Variants in HSF2BP observed in about 807,000 individuals in gnomAD.
HSF2BP encodes the protein heat shock transcription factor 2 binding protein, also known as heat shock factor 2-binding protein.
Under a neutral mutation model 35.0 loss-of-function variants are expected in HSF2BP, and 35 were observed. That is an observed-to-expected ratio of 1.00 (90% CI 0.76 to 1.32). The LOEUF is 1.32. Ranked by LOEUF, HSF2BP falls within the 40% of genes most tolerant of loss-of-function variation. HSF2BP has a pLI of 0.00. For missense variants in HSF2BP, 326 were observed against 321.7 expected, an observed-to-expected ratio of 1.01 and a Z score of -0.10; for synonymous variants, 114 against 117.4, an observed-to-expected ratio of 0.97 and a Z score of 0.18.
At chr21:43,586,569 A>G (rs1369634964) in intron 8 of HSF2BP, among the ~76,000 whole-genome samples, 1 of 152,100 alleles carries the variant, frequency 6.6e-6, no homozygotes, top group Non-Finnish European at 1.5e-5. Context: ...CCTAAACACT[A>G]TTGCATTTTA....
chr21:43,644,506 A>G, intron 3 of HSF2BP, 114 bp from the exon 4 acceptor site: 1 of 736,966 alleles, frequency 1.4e-6, no homozygotes, highest in Non-Finnish European at 2.3e-6. Context: ...TTAGGTGAGA[A>G]TATTTGCATT....
At chr21:43,592,109 G>T in intron 8 of HSF2BP, 116 bp downstream of exon 8, 1 of 658,716 alleles carries the variant, frequency 1.5e-6, no homozygotes, top group Non-Finnish European at 2.8e-6. Flanking sequence ...GAGAGGATTT[G>T]GTGCTATCTC....
Position 43,656,585 on chromosome 21 carries a change from AC to A in HSF2BP, c.187+1del. On this transcript the variant is annotated splice_donor_variant, in intron 3 of 8. Transcript: ENST00000291560. LOFTEE classifies it high-confidence loss of function. ...CAATGACTGCTGAAAATGAAGACTC[AC>A]TTTTTTCTACAATCTTTAATTTCTG... is the stretch of plus-strand genomic sequence containing the variant. The A allele has an allele frequency of 6.2e-7, 1 of 1,606,008 alleles. No homozygotes were observed. The highest frequency in any genetic ancestry group is 1.1e-5 in the South Asian group (1 of 88,372).
Position 43,633,406 on chromosome 21 carries a change from G to A in HSF2BP, c.307C>T (p.Arg103Ter), listed in dbSNP as rs781638123. 3.7e-6 allele frequency: 6 copies of A among 1,609,256 alleles called. No homozygotes were observed. Among genetic ancestry groups the A allele is most frequent in the African/African-American group, 1.3e-5 (1 of 74,826 alleles). The part of the protein sequence containing the change: ...IREKKEKLAL[R>*]QQLNEAKQQL... ...TGCTTCGCTTCATTCAACTGCTGTCGAAGAGCCAGTTTCTCCTAAAAGCAA... is the reference window on the plus strand; with the variant it reads ...TGCTTCGCTTCATTCAACTGCTGTCAAAGAGCCAGTTTCTCCTAAAAGCAA... Residue 103 changes from arginine (R) to a stop codon, truncating the protein, a stop_gained, in exon 5 of 9, where the codon CGA becomes TGA. Transcript: ENST00000291560. LOFTEE classifies it high-confidence loss of function.
chr21:43,596,244 AT>A (rs1024398922), intron 7 of HSF2BP, among the ~76,000 whole-genome samples: 70 of 152,304 alleles, frequency 4.6e-4, no homozygotes, highest in African/African-American at 1.6e-3. Context: ...GTTAAAAATC[AT>A]TTTTTAAGTA....
intron 8 of HSF2BP, among the ~76,000 whole-genome samples, chr21:43,582,172 GGATGAGGGCCTGCTGTGGGA>G (rs2081755417): frequency 1.0e-5 from 1 of 97,098 alleles, no homozygotes; most frequent in African/African-American, 3.9e-5. Flanking sequence ...CTGCTGTGGG[GGATGAGGGCCTGCTGTGGGA>G]GATGAGGGCC....
At chr21:43,650,761 G>C (rs1206942035) in intron 3 of HSF2BP, among the ~76,000 whole-genome samples, 5 of 136,672 alleles carry the variant, frequency 3.7e-5, no homozygotes, top group Non-Finnish European at 7.6e-5. Context: ...AGTTTGGAGT[G>C]CAGTGGCATG....
chr21:43,632,009 G>A (rs1209201613), intron 5 of HSF2BP, among the ~76,000 whole-genome samples: 1 of 71,090 alleles, frequency 1.4e-5, no homozygotes, highest in Non-Finnish European at 2.5e-5. Flanking sequence ...ACACACACAG[G>A]CTCCCACATA....
chr21:43,647,114 C>A (rs998712935), intron 3 of HSF2BP, among the ~76,000 whole-genome samples: 5 of 152,170 alleles, frequency 3.3e-5, no homozygotes, highest in African/African-American at 1.2e-4. Context: ...ATGTCTCATT[C>A]TCATACAATA....
intron 7 of HSF2BP, among the ~76,000 whole-genome samples, chr21:43,605,950 C>A (rs1044471305): frequency 1.3e-5 from 2 of 152,080 alleles, no homozygotes; most frequent in Non-Finnish European, 2.9e-5. Flanking sequence ...GCCTCTGACA[C>A]GTGAGAAGAA....
At chr21:43,579,059 A>T (rs1234969492) in intron 8 of HSF2BP, among the ~76,000 whole-genome samples, 1 of 152,114 alleles carries the variant, frequency 6.6e-6, no homozygotes, top group Admixed American at 6.5e-5. Context: ...ACAAATGCTA[A>T]CTCCCCAATT....
At chr21:43,616,181 G>C (rs1454855520) in intron 6 of HSF2BP, among the ~76,000 whole-genome samples, 1 of 152,136 alleles carries the variant, frequency 6.6e-6, no homozygotes, top group Admixed American at 6.5e-5. Flanking sequence ...CGACTCACTT[G>C]TAACAAGTAG....
chr21:43,581,216 C>T (rs547090924), intron 8 of HSF2BP, among the ~76,000 whole-genome samples: 3 of 152,212 alleles, frequency 2.0e-5, no homozygotes, highest in East Asian at 1.9e-4. Flanking sequence ...GAAACCCTGT[C>T]TCTACTAAAA....
At position 43,596,387 on chromosome 21, in the gene HSF2BP, TACACACAC is replaced by T. The variant is rs112009393; in HGVS notation, c.693-4067_693-4060del. 1.5e-4 allele frequency among the ~76,000 whole-genome samples: 22 copies of T among 147,440 alleles called. 1 individual carries two copies. Among genetic ancestry groups the T allele is most frequent in the African/African-American group, 4.9e-5 (2 of 40,420 alleles). The stretch of plus-strand genomic sequence containing the variant: ...AATAAAACTTGTGATGCTAGTGAAA[TACACACAC>T]ACACACACACACACACAGCCTTTAA... On this transcript the variant is annotated intron_variant, in intron 7 of 8. Transcript: ENST00000291560.
intron 8 of HSF2BP, 65 bp downstream of exon 8, chr21:43,592,160 C>T: frequency 5.7e-6 from 6 of 1,048,434 alleles, no homozygotes; most frequent in South Asian, 5.2e-5. Context: ...ACGTATGCCC[C>T]GTGGATAAGG....
At chr21:43,578,794 G>A (rs1331671161) in intron 8 of HSF2BP, among the ~76,000 whole-genome samples, 2 of 152,160 alleles carry the variant, frequency 1.3e-5, no homozygotes, top group East Asian at 1.9e-4. Flanking sequence ...GCTGTTTCTG[G>A]GCTGAAGCTG....
At chr21:43,603,714 G>A (rs1390484026) in intron 7 of HSF2BP, among the ~76,000 whole-genome samples, 1 of 152,140 alleles carries the variant, frequency 6.6e-6, no homozygotes, top group Non-Finnish European at 1.5e-5. Context: ...TGGTGTGTCT[G>A]GCCACCATAT....
chr21:43,639,624 T>C (rs564100885), intron 4 of HSF2BP, among the ~76,000 whole-genome samples: 1 of 152,226 alleles, frequency 6.6e-6, no homozygotes, highest in Admixed American at 6.5e-5. Context: ...AAATTCAAAA[T>C]AGAATAACAC....
intron 8 of HSF2BP, among the ~76,000 whole-genome samples, chr21:43,580,984 T>C (rs1461927860): frequency 1.3e-5 from 2 of 152,206 alleles, no homozygotes; most frequent in African/African-American, 4.8e-5. Context: ...GGGAATCAGA[T>C]GCCATATCAG....
Sources: allele counts gnomAD v4.1 joint callset (sites outside exome capture counted in the v4.1 genomes callset), GRCh38; gene constraint gnomAD v4.1.1; transcripts MANE v1.5; gene names NCBI Gene and HGNC (gene_info 2026-07-23, HGNC 2026-07-21).